PHF24: variants seen among roughly 807,000 people sequenced by gnomAD.
PHF24 encodes Galpha inhibitory interacting protein.
PHF24 carries 25 observed loss-of-function variants against 42.6 expected under a neutral mutation model. That is an observed-to-expected ratio of 0.59 (90% CI 0.43 to 0.82). PHF24 has a LOEUF of 0.82. PHF24 is among the 40% of genes least tolerant of loss of function. The probability of loss-of-function intolerance (pLI) is 0.00; values close to 1 mark genes in which losing one functional copy is unlikely to be tolerated. For synonymous variants in PHF24, 185 were observed against 204.8 expected (o/e 0.90, Z 0.83); for missense variants, 470 against 538.1 (o/e 0.87, Z 1.25).
the PHF24 span, chr9:34,724,296 T>C: frequency 3.1e-5 from 48 of 1,551,494 alleles, no homozygotes; most frequent in Non-Finnish European, 4.1e-5. Context: ...GGTACAGCTT[T>C]GGAATTGGAT....
At chr9:34,825,463 A>C in the PHF24 span, among the ~76,000 whole-genome samples, 1 of 152,202 alleles carries the variant, frequency 6.6e-6, no homozygotes, top group Admixed American at 6.5e-5. Flanking sequence ...TTTATGGAGG[A>C]GAGGGTCTTT....
chr9:34,959,086 C>T (rs1826498683), intron 1 of PHF24, among the ~76,000 whole-genome samples: 1 of 152,222 alleles, frequency 6.6e-6, no homozygotes, highest in Non-Finnish European at 1.5e-5. Flanking sequence ...AGTTGCTCCA[C>T]GCTGCATTTT....
the PHF24 span, among the ~76,000 whole-genome samples, chr9:34,831,597 A>T: frequency 6.6e-6 from 1 of 152,098 alleles, no homozygotes; most frequent in Non-Finnish European, 1.5e-5. Context: ...TCCTGGCTCT[A>T]GGCTCATTTT....
the PHF24 span, among the ~76,000 whole-genome samples, chr9:34,684,918 C>T: frequency 5.7e-4 from 87 of 152,190 alleles, no homozygotes; most frequent in African/African-American, 2.0e-3. Flanking sequence ...CGGGGAAGAC[C>T]CAAAGGCCCT....
the PHF24 span, among the ~76,000 whole-genome samples, chr9:34,752,095 A>G: frequency 6.6e-6 from 1 of 152,130 alleles, no homozygotes; most frequent in Non-Finnish European, 1.5e-5. Context: ...CTACATCAAA[A>G]AAGTAGAAAA....
In PHF24 at chr9:34,975,624, A is replaced by G. The variant is rs1827158368; in HGVS notation, c.565-528A>G. Among the ~76,000 whole-genome samples, 4 of 152,294 alleles carry G rather than the reference A, an allele frequency of 2.6e-5. No individual in the cohort carries two copies. In the South Asian group the frequency reaches 8.3e-4, roughly 32 times the overall value. On this transcript the variant is annotated intron_variant, in intron 3 of 7. Transcript: ENST00000242315. ...ATTTGGCTTTAGGAGCCTTGTAATA[A>G]TGGCATCTTTTAAAACCATTCTGGG...
chr9:34,792,807 C>T, the PHF24 span, among the ~76,000 whole-genome samples: 34 of 152,294 alleles, frequency 2.2e-4, no homozygotes, highest in East Asian at 6.4e-3. Context: ...CCTTGTCCAG[C>T]TGTGCTTTGG....
chr9:34,726,799 C>T, the PHF24 span: 14 of 1,551,654 alleles, frequency 9.0e-6, no homozygotes, highest in African/African-American at 4.1e-5. Flanking sequence ...GATCTAAAGA[C>T]ATACTAGACG....
At chr9:34,934,576 GA>G in the PHF24 span, among the ~76,000 whole-genome samples, 5 of 146,676 alleles carry the variant, frequency 3.4e-5, no homozygotes, top group Admixed American at 1.4e-4. Context: ...ACATTAATTG[GA>G]AAAAAAACAG....
At chr9:34,729,103 C>A in the PHF24 span, among the ~76,000 whole-genome samples, 1 of 152,140 alleles carries the variant, frequency 6.6e-6, no homozygotes, top group African/African-American at 2.4e-5. Flanking sequence ...GCTTTTCAAT[C>A]AGACTATGTT....
chr9:34,783,190 T>C, the PHF24 span, among the ~76,000 whole-genome samples: 1 of 152,194 alleles, frequency 6.6e-6, no homozygotes, highest in African/African-American at 2.4e-5. Context: ...GACAGTGATA[T>C]ACTTGGCTGA....
the PHF24 span, among the ~76,000 whole-genome samples, chr9:34,844,789 C>T: frequency 0.34 from 51,208 of 152,006 alleles, 9,209 homozygotes; most frequent in East Asian, 0.67. Context: ...GAGAAATGTG[C>T]GTTCAGCTGC....
At chr9:34,893,336 C>T in the PHF24 span, among the ~76,000 whole-genome samples, 394 of 152,256 alleles carry the variant, frequency 2.6e-3, 6 homozygotes, top group Non-Finnish European at 3.5e-3. Context: ...CATAGTGGCT[C>T]ATGCCTCTAA....
At chr9:34,950,532 A>G in the PHF24 span, among the ~76,000 whole-genome samples, 18 of 152,076 alleles carry the variant, frequency 1.2e-4, no homozygotes. Flanking sequence ...ATAAGAAAAT[A>G]TTTTTAATTT....
the PHF24 span, among the ~76,000 whole-genome samples, chr9:34,879,830 C>A: frequency 0.73 from 111,243 of 151,816 alleles, 41,089 homozygotes; most frequent in Admixed American, 0.77. Flanking sequence ...CCAACATTCA[C>A]ATTCAGGAAA....
the PHF24 span, among the ~76,000 whole-genome samples, chr9:34,889,894 C>G: frequency 6.6e-6 from 1 of 152,166 alleles, no homozygotes; most frequent in Admixed American, 6.5e-5. Flanking sequence ...GTTTGGCATT[C>G]TCAGAAATCC....
chr9:34,950,996 T>C, the PHF24 span, among the ~76,000 whole-genome samples: 2 of 152,222 alleles, frequency 1.3e-5, no homozygotes, highest in Admixed American at 1.3e-4. Context: ...TATTCATGAA[T>C]GAAATAAGGT....
At chr9:34,965,749 G>A (rs1273509419) in intron 1 of PHF24, among the ~76,000 whole-genome samples, 1 of 152,228 alleles carries the variant, frequency 6.6e-6, no homozygotes, top group East Asian at 1.9e-4. Context: ...CTGTTAATGA[G>A]TAAGTTCATT....
intron 1 of PHF24, among the ~76,000 whole-genome samples, chr9:34,960,507 C>A (rs533427179): frequency 6.6e-6 from 1 of 152,262 alleles, no homozygotes; most frequent in Non-Finnish European, 1.5e-5. Context: ...TCAGTTCAAA[C>A]CCATCTGATC....
Sources: gnomAD v4.1 joint callset for allele counts (sites outside exome capture counted in the v4.1 genomes callset) on GRCh38, gnomAD v4.1.1 for gene constraint, MANE v1.5 for transcripts, NCBI Gene and HGNC (gene_info 2026-07-23, HGNC 2026-07-21) for gene names.